Variants in GPC5 observed in about 807,000 individuals in gnomAD.
The protein encoded by GPC5 is glypican-5.
In GPC5, 47 loss-of-function variants were observed where a neutral mutation model predicts 53.9. The observed-to-expected ratio is 0.87, with a 90% CI of 0.69 to 1.11. The LOEUF is 1.11. GPC5 is among the 50% of genes most tolerant of loss of function. The pLI is 0.00. For missense variants in GPC5, 748 were observed against 713.1 expected, an observed-to-expected ratio of 1.05 and a Z score of -0.56; for synonymous variants, 286 against 263.3, an observed-to-expected ratio of 1.09 and a Z score of -0.84.
At chr13:92,829,216 A>G (rs573797394) in intron 7 of GPC5, among the ~76,000 whole-genome samples, 48 of 152,180 alleles carry the variant, frequency 3.2e-4, no homozygotes, top group Non-Finnish European at 6.3e-4. Flanking sequence ...TCACATTGCC[A>G]CAATACATTT....
chr13:92,321,518 C>A (rs2043215341), intron 7 of GPC5, among the ~76,000 whole-genome samples: 1 of 152,138 alleles, frequency 6.6e-6, no homozygotes, highest in Non-Finnish European at 1.5e-5. Context: ...GCAGAAGAAT[C>A]ACTTGAACCA....
chr13:92,516,645 G>T (rs150254155), intron 7 of GPC5, among the ~76,000 whole-genome samples: 2 of 152,126 alleles, frequency 1.3e-5, no homozygotes, highest in African/African-American at 2.4e-5. Flanking sequence ...GCCTAGGAAC[G>T]TCCTTGTTTT....
At chr13:91,733,689 G>A (rs553109158) in intron 4 of GPC5, among the ~76,000 whole-genome samples, 1 of 152,296 alleles carries the variant, frequency 6.6e-6, no homozygotes, top group East Asian at 1.9e-4. Context: ...TTTATCCTGA[G>A]ACTTTGCTGA....
intron 5 of GPC5, among the ~76,000 whole-genome samples, chr13:91,889,462 T>A (rs977003815): frequency 1.3e-5 from 2 of 149,514 alleles, no homozygotes; most frequent in African/African-American, 2.4e-5. Context: ...TTTTACTGAT[T>A]TTTTTTTTCT....
chr13:91,561,206 AT>A (rs80264596), intron 2 of GPC5, among the ~76,000 whole-genome samples: 60,568 of 151,836 alleles, frequency 0.4, 14,177 homozygotes, highest in African/African-American at 0.66. Context: ...GCCTGTGATT[AT>A]TTTTTTCAGT....
chr13:92,701,984 C>G (rs958391388), intron 7 of GPC5, among the ~76,000 whole-genome samples: 1 of 152,000 alleles, frequency 6.6e-6, no homozygotes, highest in African/African-American at 2.4e-5. Context: ...CTTCCAGAAA[C>G]CCCTGTCATT....
intron 7 of GPC5, among the ~76,000 whole-genome samples, chr13:92,514,795 C>T (rs1319448044): frequency 3.3e-5 from 5 of 152,088 alleles, no homozygotes; most frequent in African/African-American, 4.8e-5. Flanking sequence ...ACAAATAACC[C>T]GTAAGACCCA....
At chr13:91,893,741 A>G (rs556458650) in intron 5 of GPC5, among the ~76,000 whole-genome samples, 12 of 152,160 alleles carry the variant, frequency 7.9e-5, no homozygotes, top group Admixed American at 6.5e-4. Context: ...TTATTTTTGA[A>G]TCTCATTTAC....
intron 6 of GPC5, among the ~76,000 whole-genome samples, chr13:92,087,580 C>T (rs1333896221): frequency 3.3e-5 from 5 of 152,126 alleles, no homozygotes; most frequent in African/African-American, 1.2e-4. Context: ...GTATCATTTA[C>T]CTTTATGTAG....
chr13:91,692,796 A>T (rs555329535), intron 2 of GPC5, among the ~76,000 whole-genome samples: 5 of 152,284 alleles, frequency 3.3e-5, no homozygotes, highest in African/African-American at 1.2e-4. Flanking sequence ...GGCATCTGCC[A>T]CCATGCCTGG....
intron 7 of GPC5, among the ~76,000 whole-genome samples, chr13:92,396,246 C>T (rs1204248088): frequency 6.6e-6 from 1 of 152,140 alleles, no homozygotes; most frequent in African/African-American, 2.4e-5. Context: ...TCCTCATTTA[C>T]ATTCAATCTG....
chr13:92,618,138 T>A (rs1884758461), intron 7 of GPC5, among the ~76,000 whole-genome samples: 1 of 152,274 alleles, frequency 6.6e-6, no homozygotes, highest in Admixed American at 6.5e-5. Context: ...CCCCAGTTGA[T>A]TTTTACTAAG....
chr13:92,166,802 A>C (rs973846463), intron 7 of GPC5, among the ~76,000 whole-genome samples: 3 of 152,166 alleles, frequency 2.0e-5, no homozygotes, highest in Admixed American at 2.0e-4. Flanking sequence ...GTGGGAACTT[A>C]TTGGAAAGAA....
chr13:92,660,440 T>C (rs1337373944), intron 7 of GPC5, among the ~76,000 whole-genome samples: 1 of 151,884 alleles, frequency 6.6e-6, no homozygotes. Context: ...TATATAAACA[T>C]ATACACACAT....
At chr13:91,938,808 A>T (rs1378514860) in intron 6 of GPC5, among the ~76,000 whole-genome samples, 1 of 152,158 alleles carries the variant, frequency 6.6e-6, no homozygotes, top group East Asian at 1.9e-4. Context: ...TAAATATTAA[A>T]TACATATTGG....
In GPC5 at chr13:92,278,043, C is replaced by A. The variant is rs142053429; in HGVS notation, c.1561+133054C>A. The stretch of plus-strand genomic sequence containing the variant: ...ATCTGGAATTTTAGGCTATTACTCT[C>A]TGGAGTTAACCAAAGATCCTAGCAC... On this transcript the variant is annotated intron_variant, in intron 7 of 7. Coordinates refer to ENST00000377067, the MANE Select transcript of GPC5 (RefSeq NM_004466.6). 7.6e-4 allele frequency among the ~76,000 whole-genome samples: 116 copies of A among 151,902 alleles called. No homozygotes were observed. The East Asian group carries it at 0.022, about 28-fold the overall frequency.
intron 6 of GPC5, among the ~76,000 whole-genome samples, chr13:92,132,604 G>A (rs1470345333): frequency 6.6e-6 from 1 of 152,038 alleles, no homozygotes. Context: ...TCTCCGTATA[G>A]TCTTCCCTCT....
intron 3 of GPC5, among the ~76,000 whole-genome samples, chr13:91,709,760 GA>G (rs1365470088): frequency 6.6e-6 from 1 of 152,228 alleles, no homozygotes; most frequent in African/African-American, 2.4e-5. Flanking sequence ...TGTATCCCTA[GA>G]GTTGAAGTCT....
In GPC5 at chr13:92,522,221, G is replaced by T. The variant is rs574072830; in HGVS notation, c.1562-344061G>T. On this transcript the variant is annotated intron_variant, in intron 7 of 7. Coordinates refer to ENST00000377067, the MANE Select transcript of GPC5 (RefSeq NM_004466.6). The stretch of plus-strand genomic sequence containing the variant: ...GGAAGACAGTGTGGCGATTCCTCAG[G>T]GATCTAGAACTAGAAATACCATTTG... 2.6e-5 allele frequency among the ~76,000 whole-genome samples: 4 copies of T among 152,182 alleles called. No individual in the cohort carries two copies. In the South Asian group the frequency reaches 8.3e-4, roughly 32 times the overall value.
Sources: allele counts gnomAD v4.1 joint callset (sites outside exome capture counted in the v4.1 genomes callset), GRCh38; gene constraint gnomAD v4.1.1; transcripts MANE v1.5; gene names NCBI Gene and HGNC (gene_info 2026-07-23, HGNC 2026-07-21).